The following PCDHA3 variants were observed in gnomAD, a reference collection of about 807,000 sequenced individuals.
PCDHA3 encodes protocadherin alpha 3.
A neutral mutation model predicts 62.2 loss-of-function variants in PCDHA3; 41 were observed. The ratio of observed to expected loss-of-function variants is 0.66; its 90% CI spans 0.51 to 0.86. The LOEUF is 0.86. Among genes scored for constraint, PCDHA3 ranks in the 40% least tolerant of loss-of-function variants. The pLI, the probability that PCDHA3 is intolerant of heterozygous loss-of-function variation, is 0.00. For missense variants in PCDHA3, 1,304 were observed against 1,241.2 expected, an observed-to-expected ratio of 1.05 and a Z score of -0.76; for synonymous variants, 640 against 555.4, an observed-to-expected ratio of 1.15 and a Z score of -2.14.
chr5:140,835,941 CT>C (rs2150248742), intron 1 of PCDHA3: 13 of 1,612,538 alleles, frequency 8.1e-6, no homozygotes, highest in Non-Finnish European at 1.1e-5. Flanking sequence ...GGTGTACGCG[CT>C]GCAGCCGTTG....
chr5:140,812,060 T>A (rs1366496459), intron 1 of PCDHA3: 3 of 152,010 alleles, frequency 2.0e-5, no homozygotes, highest in Non-Finnish European at 2.9e-5. Context: ...CAATTTTTTT[T>A]TTTTGGAAGA....
intron 1 of PCDHA3, among the ~76,000 whole-genome samples, chr5:140,912,772 A>T (rs897864498): frequency 1.3e-5 from 2 of 152,190 alleles, no homozygotes; most frequent in South Asian, 4.1e-4. Flanking sequence ...ACTTTGAGGT[A>T]TGTCCCTTCT....
rs2150311050 is a variant in PCDHA3, at chr5:140,841,098, T to C, written c.2394+37507T>C. The C allele has an allele frequency of 1.6e-4, 93 of 572,610 alleles. 1 individual carries two copies. The highest frequency in any genetic ancestry group is 1.4e-3 in the African/African-American group (77 of 53,518). The allele number at this position is 572,610 out of a possible 1,614,324, so 35.5% of individuals were successfully genotyped here. On this transcript the variant is annotated intron_variant, in intron 1 of 3. Transcript: ENST00000522353. ...GAAAGTGCATAGAAGAACCCAGATA[T>C]TGCGGAAGTAATTCATGTAATCATT...
intron 1 of PCDHA3, chr5:140,881,515 A>T (rs574115987): frequency 4.8e-6 from 1 of 207,066 alleles, no homozygotes; most frequent in Admixed American, 6.5e-5. Context: ...CACATACAAA[A>T]TCCCACACAT....
intron 3 of PCDHA3, among the ~76,000 whole-genome samples, chr5:141,000,421 ATTTT>A (rs34755515): frequency 0.018 from 509 of 27,798 alleles, 2 homozygotes; most frequent in African/African-American, 0.027. Context: ...ATATATATAT[ATTTT>A]TTTTTTTTTT....
intron 3 of PCDHA3, among the ~76,000 whole-genome samples, chr5:141,003,829 A>G (rs1220753607): frequency 1.3e-5 from 2 of 152,184 alleles, no homozygotes; most frequent in Admixed American, 6.5e-5. Flanking sequence ...GGCTCTGCCT[A>G]ACGATTCAGA....
At chr5:140,875,738 G>C (rs1197047985) in intron 1 of PCDHA3, 1 of 1,614,204 alleles carries the variant, frequency 6.2e-7, no homozygotes, top group Non-Finnish European at 8.5e-7. Context: ...GTGAATTCTC[G>C]GATCGACCGC....
intron 1 of PCDHA3, chr5:140,856,464 T>C (rs2044012633): frequency 1.3e-6 from 2 of 1,598,082 alleles, no homozygotes; most frequent in Non-Finnish European, 1.7e-6. Flanking sequence ...GAACAAAAGC[T>C]CTCAATACCT....
intron 1 of PCDHA3, chr5:140,848,468 C>A: frequency 6.5e-7 from 1 of 1,547,824 alleles, no homozygotes; most frequent in African/African-American, 1.4e-5. Context: ...GCAATTTTCA[C>A]TAATTAGAAG....
At chr5:140,993,226 T>G (rs1554253487) in intron 3 of PCDHA3, among the ~76,000 whole-genome samples, 1 of 152,204 alleles carries the variant, frequency 6.6e-6, no homozygotes, top group Non-Finnish European at 1.5e-5. Context: ...TTTGGTATGT[T>G]CTCTCTGAAT....
intron 1 of PCDHA3, chr5:140,828,314 C>T: frequency 6.2e-7 from 1 of 1,614,208 alleles, no homozygotes; most frequent in South Asian, 1.1e-5. Flanking sequence ...CGAGGACCTT[C>T]TGGAGGTAAA....
intron 1 of PCDHA3, among the ~76,000 whole-genome samples, chr5:140,963,398 G>C (rs1465736344): frequency 6.6e-6 from 1 of 152,220 alleles, no homozygotes; most frequent in Admixed American, 6.5e-5. Flanking sequence ...CTCCCTACTG[G>C]ATGCTGTAGA....
chr5:140,838,122 GTGTGTGTGTT>G (rs1205252659), intron 1 of PCDHA3, among the ~76,000 whole-genome samples: 1 of 144,084 alleles, frequency 6.9e-6, no homozygotes, highest in Admixed American at 7.0e-5. Context: ...GTGTGTGTGT[GTGTGTGTGTT>G]TGACAGAGTT....
At chr5:140,835,408 A>T (rs2150235029) in intron 1 of PCDHA3, 3 of 1,614,004 alleles carry the variant, frequency 1.9e-6, no homozygotes, top group Non-Finnish European at 2.5e-6. Flanking sequence ...GAAGTTGTGG[A>T]TGTAAATGAC....
chr5:140,846,537 G>A (rs1780542061), intron 1 of PCDHA3, among the ~76,000 whole-genome samples: 1 of 148,262 alleles, frequency 6.7e-6, no homozygotes, highest in Admixed American at 6.8e-5. Context: ...ACCATGCCCT[G>A]CTAATTTTTT....
At chr5:140,808,715 G>A (rs782371086) in intron 1 of PCDHA3, 1 of 1,612,116 alleles carries the variant, frequency 6.2e-7, no homozygotes. Context: ...CTACGTTTCG[G>A]TGCATGCGGA....
chr5:140,918,502 C>A (rs1480204800), intron 1 of PCDHA3, among the ~76,000 whole-genome samples: 1 of 152,040 alleles, frequency 6.6e-6, no homozygotes, highest in Non-Finnish European at 1.5e-5. Context: ...TGGTACCAAT[C>A]CTTTTAAACT....
At chr5:140,924,175 A>G (rs1179259744) in intron 1 of PCDHA3, among the ~76,000 whole-genome samples, 4 of 152,244 alleles carry the variant, frequency 2.6e-5, no homozygotes, top group Non-Finnish European at 5.9e-5. Context: ...CTGGCACTGA[A>G]GCAGAAAATT....
chr5:140,821,848 G>A (rs2150111173), intron 1 of PCDHA3: 1 of 1,614,192 alleles, frequency 6.2e-7, no homozygotes, highest in South Asian at 1.1e-5. Context: ...CTACTGGAAG[G>A]CAGGGAGCGG....
Sources: gnomAD v4.1 joint callset for allele counts (sites outside exome capture counted in the v4.1 genomes callset) on GRCh38, gnomAD v4.1.1 for gene constraint, MANE v1.5 for transcripts, NCBI Gene and HGNC (gene_info 2026-07-23, HGNC 2026-07-21) for gene names.